Variants in ZBTB5 observed in about 807,000 individuals in gnomAD.
The protein encoded by ZBTB5 is zinc finger and BTB domain containing 5.
A neutral mutation model predicts 37.9 loss-of-function variants in ZBTB5; 15 were observed. The observed-to-expected ratio is 0.40, with a 90% CI of 0.26 to 0.61. The LOEUF (loss-of-function observed/expected upper bound fraction) is 0.61, where lower values mean the gene tolerates loss of function less well. ZBTB5 is among the 20% of genes least tolerant of loss of function. The pLI is 0.47. For missense variants in ZBTB5, 708 were observed against 856.8 expected (o/e 0.83, Z 2.17); for synonymous variants, 315 against 312.4 (o/e 1.01, Z -0.09).
At chr9:37,442,861 ATATC>A (rs1366778378) in intron 1 of ZBTB5, among the ~76,000 whole-genome samples, 1 of 152,246 alleles carries the variant, frequency 6.6e-6, no homozygotes, top group South Asian at 2.1e-4. Flanking sequence ...GAGTGATGGC[ATATC>A]TATCCCACAG....
rs1015616978 is a variant in ZBTB5, at chr9:37,440,848, C to A, written c.1704G>T (p.Thr568=). ...AAGGATGGCCATTTTCAAATGAGGACGTAGCTCCATTCATCATTAGCTGAG... is the reference window on the plus strand; with the variant it reads ...AAGGATGGCCATTTTCAAATGAGGAAGTAGCTCCATTCATCATTAGCTGAG... ...TSSQLMMNGA[T]SSFENGHPSQ... The change falls in exon 2 of 2, where the codon ACG becomes ACT. Residue 568 remains threonine (T), a synonymous_variant. Coordinates refer to ENST00000307750, the MANE Select transcript of ZBTB5 (RefSeq NM_014872.3). 19 of 1,614,052 alleles carry A rather than the reference C, an allele frequency of 1.2e-5. No homozygotes were observed. Among genetic ancestry groups the A allele is most frequent in the Non-Finnish European group, 1.6e-5 (19 of 1,180,048 alleles).
chr9:37,463,939 G>A (rs1824340880), intron 1 of ZBTB5, among the ~76,000 whole-genome samples: 1 of 152,194 alleles, frequency 6.6e-6, no homozygotes, highest in African/African-American at 2.4e-5. Flanking sequence ...AGGTCACCAA[G>A]CTGGCTGTGG....
chr9:37,450,206 T>C (rs1049481842), intron 1 of ZBTB5, among the ~76,000 whole-genome samples: 3 of 152,292 alleles, frequency 2.0e-5, no homozygotes, highest in Admixed American at 6.5e-5. Context: ...TTTCTTTCTT[T>C]GGCCTATTAA....
Position 37,440,630 on chromosome 9 carries a change from T to C in ZBTB5, c.1922A>G (p.Tyr641Cys). Residue 641 changes from tyrosine (Y) to cysteine (C), a missense_variant, in exon 2 of 2, where the codon TAC (tyrosine) becomes TGC (cysteine). Physicochemically the swap from Tyr to Cys is radical, Grantham distance 194. Transcript: ENST00000307750. The stretch of plus-strand genomic sequence containing the variant: ...CCTCTTGCCACACTTCAGGCAGGCG[T>C]AAGGCTTTTCACCTGTGTGAACACG... Reference protein sequence around the residue: ...HIRVHTGEKPYACLKCGKRFS... With the variant: ...HIRVHTGEKPCACLKCGKRFS... 6.2e-7 allele frequency: 1 copy of C among 1,614,246 alleles called. No individual in the cohort carries two copies. Among genetic ancestry groups the C allele is most frequent in the South Asian group, 1.1e-5 (1 of 91,088 alleles).
rs1201290819 is a variant in ZBTB5, at chr9:37,441,894, C to G, written c.658G>C (p.Glu220Gln). The change falls in exon 2 of 2, where the codon GAG (glutamate) becomes CAG (glutamine). Residue 220 changes from glutamate to glutamine, a missense_variant. Coordinates refer to ENST00000307750, the MANE Select transcript of ZBTB5 (RefSeq NM_014872.3). ...DESAISDVTP[E>Q]NGPSGVHSRE... ...GAATGAACCCCTGAAGGCCCATTCT[C>G]CGGTGTAACATCTGAAATGGCAGAC... 2 of 1,614,026 alleles carry G rather than the reference C, an allele frequency of 1.2e-6. No homozygotes were observed. Among genetic ancestry groups the G allele is most frequent in the Non-Finnish European group, 8.5e-7 (1 of 1,180,042 alleles).
rs145866238 is a variant in ZBTB5 at position 37,441,097 on chromosome 9, C to G, written c.1455G>C (p.Val485=). The part of the protein sequence containing the change: ...DSHFVRPMQE[V]MGLPCVQTSG... The stretch of plus-strand genomic sequence containing the variant: ...AAGTCTGCACACACGGCAGGCCCAT[C>G]ACCTCCTGCATAGGCCTGACGAAGT... Residue 485 remains valine, a synonymous_variant, in exon 2 of 2, where the codon GTG becomes GTC. Transcript: ENST00000307750. The G allele has an allele frequency of 6.2e-7, 1 of 1,614,000 alleles. No individual in the cohort carries two copies.
chr9:37,461,708 G>A (rs1824296275), intron 1 of ZBTB5, among the ~76,000 whole-genome samples: 1 of 152,036 alleles, frequency 6.6e-6, no homozygotes, highest in African/African-American at 2.4e-5. Flanking sequence ...ACTCAAGCCT[G>A]GGTGACAGAG....
rs1367995328 is a variant in ZBTB5 at position 37,465,327 on chromosome 9, G to A, written c.-117C>T. On this transcript the variant is annotated 5_prime_UTR_variant, in exon 1 of 2. Transcript: ENST00000307750. ...ACGTCCTGACCAGCGTCTCCGTTAC[G>A]GGACTTCCTCCCCCTTCCACCCGCC... 2.0e-5 allele frequency: 3 copies of A among 151,954 alleles called. No homozygotes were observed. The highest frequency in any genetic ancestry group is 6.6e-5 in the Admixed American group (1 of 15,260). 9.4% of individuals were successfully genotyped at this position (151,954 alleles called of 1,614,324 possible).
Position 37,440,955 on chromosome 9 carries a change from G to C in ZBTB5, c.1597C>G (p.Pro533Ala), listed in dbSNP as rs1166207886. 7 of 1,614,210 alleles carry C rather than the reference G, an allele frequency of 4.3e-6. No homozygotes were observed. The highest frequency in any genetic ancestry group is 5.9e-6 in the Non-Finnish European group (7 of 1,180,042). ...TTGGGAGCTATGCGGCGGTAGTAAG[G>C]AAAGTTACTGGCTCCTCCCCTTGGG... ...GSPRGGASNF[P>A]YYRRIAPKMP... is the part of the protein sequence containing the mutation. Residue 533 changes from proline to alanine, a missense_variant, in exon 2 of 2, where the codon CCT becomes GCT. Physicochemically the swap from Pro to Ala is conservative, Grantham distance 27 (BLOSUM62 -1). This residue lies in a region of ZBTB5 where 639 missense variants were observed against 690.5 expected (regional missense o/e 0.93). Transcript: ENST00000307750.
chr9:37,463,518 A>C (rs1824331462), intron 1 of ZBTB5, among the ~76,000 whole-genome samples: 1 of 152,326 alleles, frequency 6.6e-6, no homozygotes, highest in South Asian at 2.1e-4. Flanking sequence ...TCAGCACTAC[A>C]CCAGGTTTTG....
intron 1 of ZBTB5, among the ~76,000 whole-genome samples, chr9:37,460,434 T>TC (rs869037939): frequency 3.5e-4 from 50 of 144,582 alleles, no homozygotes; most frequent in African/African-American, 8.8e-4. Context: ...GAGTGAACAC[T>TC]CCCCCCCCAA....
rs1368042935 is a variant in ZBTB5, at chr9:37,442,210, T to A, written c.342A>T (p.Ala114=). 6 of 1,614,250 alleles carry A rather than the reference T, an allele frequency of 3.7e-6. No individual in the cohort carries two copies. Among genetic ancestry groups the A allele is most frequent in the Non-Finnish European group, 5.1e-6 (6 of 1,180,044 alleles). The change falls in exon 2 of 2, where the codon GCA becomes GCT. Residue 114 remains alanine (A), a synonymous_variant. Coordinates refer to ENST00000307750, the MANE Select transcript of ZBTB5 (RefSeq NM_014872.3). ...SHLHLNSVVK[A]CKHYLTTRTL... Reference sequence around the variant, plus strand: ...TCCTTGTCGTTAAGTAATGTTTACATGCCTTAACAACAGAGTTCAAATGCA... The same window carrying A: ...TCCTTGTCGTTAAGTAATGTTTACAAGCCTTAACAACAGAGTTCAAATGCA...
At position 37,458,852 on chromosome 9, in the gene ZBTB5, C is replaced by G. The variant is rs187951802; in HGVS notation, c.-5+6363G>C. Among the ~76,000 whole-genome samples, 179 of 152,254 alleles carry G rather than the reference C, an allele frequency of 1.2e-3. 1 individual carries two copies. Among genetic ancestry groups the G allele is most frequent in the African/African-American group, 3.9e-3 (162 of 41,548 alleles). On this transcript the variant is annotated intron_variant, in intron 1 of 1. Coordinates refer to ENST00000307750, the MANE Select transcript of ZBTB5 (RefSeq NM_014872.3). ...ATTCATTCAAGGTACAAAACATAAG[C>G]TAATGTATTTTAATGCAACAGAATA...
rs1210112547 is a variant in ZBTB5, at chr9:37,440,808, G to C, written c.1744C>G (p.Pro582Ala). ...TCTGCAGATGCCCTGGTCAACTGTG[G>C]AGGGCCAGGCTGGGAAGGATGGCCA... ...ENGHPSQPGPPQLTRASADVL... is the reference protein window; with the variant it reads ...ENGHPSQPGPAQLTRASADVL... The change falls in exon 2 of 2, where the codon CCA becomes GCA. Residue 582 changes from proline (P) to alanine (A), a missense_variant. Transcript: ENST00000307750. 6.2e-7 allele frequency: 1 copy of C among 1,614,088 alleles called. No individual in the cohort carries two copies. The highest frequency in any genetic ancestry group is 8.5e-7 in the Non-Finnish European group (1 of 1,180,044).
chr9:37,453,197 C>T (rs1333564490), intron 1 of ZBTB5, among the ~76,000 whole-genome samples: 1 of 152,184 alleles, frequency 6.6e-6, no homozygotes, highest in Non-Finnish European at 1.5e-5. Flanking sequence ...GTCTCTCTCT[C>T]TCTTTAAATA....
In ZBTB5 at chr9:37,440,196, T is replaced by G; in HGVS notation, c.*322A>C. The G allele has an allele frequency of 6.2e-6, 2 of 322,258 alleles. No individual in the cohort carries two copies. Among genetic ancestry groups the G allele is most frequent in the Non-Finnish European group, 1.2e-5 (2 of 172,936 alleles). The allele number at this position is 322,258 out of a possible 1,614,324, so 20.0% of individuals were successfully genotyped here. On this transcript the variant is annotated 3_prime_UTR_variant, in exon 2 of 2. Coordinates refer to ENST00000307750, the MANE Select transcript of ZBTB5 (RefSeq NM_014872.3). The stretch of plus-strand genomic sequence containing the variant: ...AAATGCTACACAGTTTTACAAAAAT[T>G]GCTAAAAAATTTTTTTTGCACTTCA...
chr9:37,440,943 G>C lies in ZBTB5; in HGVS notation c.1609C>G (p.Arg537Gly). ...ACAACTGGCATTTTGGGAGCTATGC[G>C]GCGGTAGTAAGGAAAGTTACTGGCT... ...GGASNFPYYRRIAPKMPVVTS... is the reference protein window; with the variant it reads ...GGASNFPYYRGIAPKMPVVTS... Residue 537 changes from arginine to glycine, a missense_variant, in exon 2 of 2, where the codon CGC becomes GGC. Arg to Gly is a moderately radical substitution (Grantham distance 125, BLOSUM62 -2). Around this residue, in one of 3 missense-constraint regions of ZBTB5, gnomAD observed 639 missense variants for 690.5 expected, o/e 0.93. Transcript: ENST00000307750. 1 of 1,614,176 alleles carries C rather than the reference G, an allele frequency of 6.2e-7. No homozygotes were observed. Among genetic ancestry groups the C allele is most frequent in the Non-Finnish European group, 8.5e-7 (1 of 1,180,036 alleles).
At chr9:37,463,588 T>G (rs1315644775) in intron 1 of ZBTB5, among the ~76,000 whole-genome samples, 1 of 152,188 alleles carries the variant, frequency 6.6e-6, no homozygotes, top group Non-Finnish European at 1.5e-5. Flanking sequence ...TCATGCTGAG[T>G]TCTTTAAGTA....
At chr9:37,446,701 G>A (rs573924444) in intron 1 of ZBTB5, among the ~76,000 whole-genome samples, 17 of 152,262 alleles carry the variant, frequency 1.1e-4, no homozygotes, top group Admixed American at 9.2e-4. Context: ...CACACATCCC[G>A]GGTCCCCACC....
Sources: gnomAD v4.1 joint callset for allele counts (sites outside exome capture counted in the v4.1 genomes callset) on GRCh38, gnomAD v4.1.1 for gene constraint, gnomAD v4.1.1 regional missense constraint, MANE v1.5 for transcripts, NCBI Gene and HGNC (gene_info 2026-07-23, HGNC 2026-07-21) for gene names.